The following MAP3K15 variants were observed in gnomAD, a reference collection of about 807,000 sequenced individuals.
MAP3K15 encodes the protein mitogen-activated protein kinase kinase kinase 15.
MAP3K15 carries 124 observed loss-of-function variants against 99.5 expected under a neutral mutation model. The ratio of observed to expected loss-of-function variants is 1.25; its 90% CI spans 1.08 to 1.45. The LOEUF (loss-of-function observed/expected upper bound fraction) is 1.45. Among genes scored for constraint, MAP3K15 ranks in the 40% most tolerant of loss-of-function variants. The pLI is 0.00. For synonymous variants in MAP3K15, 494 were observed against 439.6 expected (o/e 1.12, Z -1.55); for missense variants, 1,242 against 1,079.7 (o/e 1.15, Z -2.11).
Position 19,515,144 on chromosome X carries a change from CCCCGTCGGGCTCCGCCGG to C in MAP3K15, c.100_117del (p.Pro34_Gly39del), listed in dbSNP as rs1314899027. ...CTGCCGCCTGCCGCGCCCTCCGCCG[CCCCGTCGGGCTCCGCCGG>C]CCCGGCCGCGCCCTCCACCCCCGGC... On this transcript the variant is annotated inframe_deletion, in exon 1 of 29. Coordinates refer to ENST00000338883, the MANE Select transcript of MAP3K15 (RefSeq NM_001001671.4). The C allele has an allele frequency of 2.5e-6, 2 of 791,165 alleles. No individual in the cohort carries two copies. Among genetic ancestry groups the C allele is most frequent in the African/African-American group, 2.3e-5 (1 of 43,685 alleles). The allele number at this position is 791,165 out of a possible 1,213,427, so 65.2% of individuals were successfully genotyped here. A position where few individuals can be genotyped will look rare whatever the true frequency, so the allele number is the denominator to read the frequency against.
intron 3 of MAP3K15, among the ~76,000 whole-genome samples, chrX:19,480,958 T>TA (rs1318190394): frequency 9.4e-6 from 1 of 106,366 alleles, no homozygotes; most frequent in Non-Finnish European, 1.9e-5. Flanking sequence ...CTACAAAAAA[T>TA]AAAAAAATTA....
At chrX:19,454,123 A>C (rs1209928025) in intron 6 of MAP3K15, among the ~76,000 whole-genome samples, 4 of 111,868 alleles carry the variant, frequency 3.6e-5, no homozygotes. Flanking sequence ...TAGACATTCC[A>C]GTCAGTGCGT....
intron 6 of MAP3K15, among the ~76,000 whole-genome samples, chrX:19,439,885 T>C (rs1051409266): frequency 8.9e-6 from 1 of 112,387 alleles, no homozygotes; most frequent in African/African-American, 3.2e-5. Context: ...AAATGCATTC[T>C]TGGCCTTTCT....
At chrX:19,372,553 T>C in intron 22 of MAP3K15, 100 bp downstream of exon 22, 2 of 772,290 alleles carry the variant, frequency 2.6e-6, no homozygotes, top group Non-Finnish European at 3.8e-6. Flanking sequence ...ATGCAGATGT[T>C]CCAGGGCGGC....
intron 12 of MAP3K15, 58 bp from the exon 13 acceptor site, chrX:19,407,341 G>T: frequency 1.6e-6 from 1 of 628,805 alleles, no homozygotes; most frequent in Non-Finnish European, 2.4e-6. Context: ...CTCTAAATCT[G>T]CAAGACAATC....
chrX:19,417,647 T>C (rs1168076132), intron 9 of MAP3K15, among the ~76,000 whole-genome samples: 1 of 111,732 alleles, frequency 8.9e-6, no homozygotes, highest in Non-Finnish European at 1.9e-5. Flanking sequence ...GGCATCAGAA[T>C]CCTCTGCAGA....
At chrX:19,477,470 AAGG>A (rs1158155684) in intron 3 of MAP3K15, among the ~76,000 whole-genome samples, 24 of 111,022 alleles carry the variant, frequency 2.2e-4, no homozygotes, top group Non-Finnish European at 3.8e-4. Context: ...TTGGGAGGCC[AAGG>A]CCAAGGCAGG....
chrX:19,424,186 G>GTA (rs756342104), intron 9 of MAP3K15, among the ~76,000 whole-genome samples: 4,209 of 106,206 alleles, frequency 0.04, 223 homozygotes, highest in African/African-American at 0.14. Context: ...AGCAAATCAT[G>GTA]TATATATACA....
chrX:19,401,448 C>T (rs1427913605), intron 13 of MAP3K15, among the ~76,000 whole-genome samples: 2 of 111,398 alleles, frequency 1.8e-5, no homozygotes, highest in African/African-American at 6.5e-5. Context: ...TCTCCCACCA[C>T]GGCCTCCGAA....
chrX:19,397,731 G>A (rs1293574248), intron 15 of MAP3K15, among the ~76,000 whole-genome samples: 4 of 112,172 alleles, frequency 3.6e-5, no homozygotes, highest in Non-Finnish European at 5.6e-5. Context: ...CAATCCACGT[G>A]CCTCTGAAGT....
chrX:19,405,498 G>A (rs2063641702), intron 13 of MAP3K15, among the ~76,000 whole-genome samples: 1 of 112,439 alleles, frequency 8.9e-6, no homozygotes, highest in African/African-American at 3.2e-5. Flanking sequence ...GGTGAAAGGA[G>A]ACTATGCAGA....
At chrX:19,395,619 A>G (rs958658377) in intron 15 of MAP3K15, among the ~76,000 whole-genome samples, 2 of 111,539 alleles carry the variant, frequency 1.8e-5, no homozygotes, top group Non-Finnish European at 3.8e-5. Context: ...CTTATTCTAC[A>G]GAGTCGCCCC....
intron 6 of MAP3K15, among the ~76,000 whole-genome samples, chrX:19,434,821 C>T (rs1252210363): frequency 8.9e-6 from 1 of 111,907 alleles, no homozygotes; most frequent in African/African-American, 3.2e-5. Context: ...TTGTGGAACC[C>T]AACCTGGGTT....
chrX:19,393,401 C>A (rs976091192), intron 16 of MAP3K15, among the ~76,000 whole-genome samples: 1 of 111,957 alleles, frequency 8.9e-6, no homozygotes, highest in Non-Finnish European at 1.9e-5. Context: ...GAGGCCGAGG[C>A]GGGCAGATCA....
chrX:19,507,854 C>A (rs908159570), intron 1 of MAP3K15, among the ~76,000 whole-genome samples: 5 of 110,879 alleles, frequency 4.5e-5, no homozygotes, highest in Admixed American at 9.7e-5. Flanking sequence ...TCTGGAGATG[C>A]ATATTGGTTT....
intron 9 of MAP3K15, among the ~76,000 whole-genome samples, chrX:19,420,675 T>C (rs2063776827): frequency 9.0e-6 from 1 of 111,510 alleles, no homozygotes; most frequent in Non-Finnish European, 1.9e-5. Flanking sequence ...CCTCCCTAAC[T>C]CATTTTATGA....
At chrX:19,412,063 G>A (rs1278260634) in intron 11 of MAP3K15, among the ~76,000 whole-genome samples, 1 of 111,569 alleles carries the variant, frequency 9.0e-6, no homozygotes, top group Non-Finnish European at 1.9e-5. Flanking sequence ...AGCAGGAGTC[G>A]GCCTTTGGAT....
At chrX:19,457,387 G>A (rs1335362785) in intron 5 of MAP3K15, among the ~76,000 whole-genome samples, 2 of 111,704 alleles carry the variant, frequency 1.8e-5, no homozygotes, top group Non-Finnish European at 3.8e-5. Context: ...GGAGGTGGGT[G>A]GATCACTTGA....
At chrX:19,443,930 T>TC (rs1455155504) in intron 6 of MAP3K15, among the ~76,000 whole-genome samples, 5 of 111,013 alleles carry the variant, frequency 4.5e-5, no homozygotes, top group Non-Finnish European at 9.4e-5. Flanking sequence ...CAAGAAGCCT[T>TC]CCCCCAAATA....
Sources: gnomAD v4.1 joint callset for allele counts (sites outside exome capture counted in the v4.1 genomes callset) on GRCh38, gnomAD v4.1.1 for gene constraint, MANE v1.5 for transcripts, NCBI Gene and HGNC (gene_info 2026-07-23, HGNC 2026-07-21) for gene names.